SLC13A5: variants seen among roughly 807,000 people sequenced by gnomAD.
The protein encoded by SLC13A5 is Na(+)/citrate cotransporter.
A neutral mutation model predicts 56.5 loss-of-function variants in SLC13A5; 25 were observed. The observed-to-expected ratio is 0.44, with a 90% CI of 0.32 to 0.62. SLC13A5 has a LOEUF of 0.62. SLC13A5 is among the 20% of genes least tolerant of loss of function. The pLI is 0.04. For missense variants in SLC13A5, 649 were observed against 737.8 expected, an observed-to-expected ratio of 0.88 and a Z score of 1.39; for synonymous variants, 307 against 301.5, an observed-to-expected ratio of 1.02 and a Z score of -0.19.
intron 4 of SLC13A5, 89 bp from the exon 5 acceptor site, chr17:6,703,227 T>G (rs544905932): frequency 6.6e-7 from 1 of 1,512,918 alleles, no homozygotes. Context: ...ACCTGAGGAT[T>G]GGGAAATCCC....
At position 6,684,899 on chromosome 17, in the gene SLC13A5, C is replaced by T. The variant is rs1467644762; in HGVS notation, c.*1308G>A. 2 of 152,214 alleles carry T rather than the reference C, an allele frequency of 1.3e-5. No homozygotes were observed. Among genetic ancestry groups the T allele is most frequent in the African/African-American group, 4.8e-5 (2 of 41,446 alleles). The allele number at this position is 152,214 out of a possible 1,614,324, so 9.4% of individuals were successfully genotyped here. A position where few individuals can be genotyped will look rare whatever the true frequency, so the allele number is the denominator to read the frequency against. Reference sequence around the variant, plus strand: ...CATCTCTTTGCTACTGCCTCTCTTCCAGAGCAGCACAAGAAGGAAATAAAA... The same window carrying T: ...CATCTCTTTGCTACTGCCTCTCTTCTAGAGCAGCACAAGAAGGAAATAAAA... On this transcript the variant is annotated 3_prime_UTR_variant, in exon 12 of 12. Coordinates refer to ENST00000433363, the MANE Select transcript of SLC13A5 (RefSeq NM_177550.5).
At chr17:6,706,385 C>T (rs138483343) in intron 3 of SLC13A5, among the ~76,000 whole-genome samples, 44 of 152,308 alleles carry the variant, frequency 2.9e-4, no homozygotes, top group African/African-American at 9.9e-4. Flanking sequence ...AGAAAGCCTT[C>T]CAAGCCTGCA....
chr17:6,694,454 T>C (rs1012225590), intron 7 of SLC13A5, among the ~76,000 whole-genome samples: 2 of 152,042 alleles, frequency 1.3e-5, no homozygotes, highest in African/African-American at 4.8e-5. Flanking sequence ...CCGTCTCTAC[T>C]AAAAATACAA....
At chr17:6,702,344 T>C (rs956085487) in intron 5 of SLC13A5, among the ~76,000 whole-genome samples, 6 of 152,308 alleles carry the variant, frequency 3.9e-5, no homozygotes, top group African/African-American at 1.4e-4. Context: ...TCTCTCCCTC[T>C]TGGGGTCCTC....
chr17:6,706,659 C>G lies in SLC13A5; in HGVS notation c.351G>C (p.Val117=). 1 of 1,613,850 alleles carries G rather than the reference C, an allele frequency of 6.2e-7. No homozygotes were observed. Among genetic ancestry groups the G allele is most frequent in the Middle Eastern group, 1.7e-4 (1 of 6,022 alleles). The change falls in exon 3 of 12, where the codon GTG becomes GTC. Residue 117 remains valine (V), a synonymous_variant. Transcript: ENST00000433363. ...GTAATTACCGTGCAGGCTTGGCCCC[C>G]ACCCAGAGGAGCGTGCGCAGGGCGA... ...KRIALRTLLW[V]GAKPARLMLG...
At chr17:6,690,687 G>A in intron 10 of SLC13A5, 92 bp downstream of exon 10, 1 of 1,563,574 alleles carries the variant, frequency 6.4e-7, no homozygotes, top group Non-Finnish European at 8.8e-7. Context: ...GTCTGAGTCT[G>A]GCCTGGACAT....
In SLC13A5 at chr17:6,703,574, G is replaced by A. The variant is rs16956176; in HGVS notation, c.547+304C>T. Among the ~76,000 whole-genome samples, 4,445 of 152,294 alleles carry A rather than the reference G, an allele frequency of 0.029. 197 individuals carry two copies. Among genetic ancestry groups the A allele is most frequent in the African/African-American group, 0.099 (4,123 of 41,530 alleles). On this transcript the variant is annotated intron_variant, in intron 4 of 11. Transcript: ENST00000433363. ...AGGATGAGCAGGAGTAGCAAGGAGT[G>A]AGGGGCATCCCTAAGTGCTCGAAAG... is the stretch of plus-strand genomic sequence containing the variant.
intron 10 of SLC13A5, chr17:6,689,384 G>T (rs528365160): frequency 6.6e-6 from 1 of 152,356 alleles, no homozygotes; most frequent in Non-Finnish European, 1.5e-5. Flanking sequence ...TTTCTCATAG[G>T]TGGGCGTGAG....
chr17:6,690,883 G>A lies in SLC13A5; in HGVS notation c.1333C>T (p.Pro445Ser), dbSNP rs373587508. 6.2e-7 allele frequency: 1 copy of A among 1,614,072 alleles called. No individual in the cohort carries two copies. Among genetic ancestry groups the A allele is most frequent in the Admixed American group, 1.7e-5 (1 of 60,002 alleles). Residue 445 changes from proline to serine, a missense_variant, in exon 10 of 12, where the codon CCG (proline) becomes TCG (serine). Transcript: ENST00000433363. ...KQMEPLHAVP[P>S]AAITLILSLL... ...GACAAGATCAAGGTGATGGCTGCCGGGGGCACTGCGTGCAAGGGCTCCATC... is the reference window on the plus strand; with the variant it reads ...GACAAGATCAAGGTGATGGCTGCCGAGGGCACTGCGTGCAAGGGCTCCATC...
At position 6,686,289 on chromosome 17, in the gene SLC13A5, A is replaced by G; in HGVS notation, c.1625T>C (p.Leu542Ser). 1 of 1,614,120 alleles carries G rather than the reference A, an allele frequency of 6.2e-7. No individual in the cohort carries two copies. The highest frequency in any genetic ancestry group is 8.5e-7 in the Non-Finnish European group (1 of 1,179,996). The change falls in exon 12 of 12, where the codon TTG becomes TCG. Residue 542 changes from leucine to serine, a missense_variant. Coordinates refer to ENST00000433363, the MANE Select transcript of SLC13A5 (RefSeq NM_177550.5). ...GGCCCGTCCCCAGGTGTTGACAGCCAAAAACACACAGAAGACTCCAATTAT... is the reference window on the plus strand; with the variant it reads ...GGCCCGTCCCCAGGTGTTGACAGCCGAAAACACACAGAAGACTCCAATTAT... ...MNIIGVFCVFLAVNTWGRAIF... is the reference protein window; with the variant it reads ...MNIIGVFCVFSAVNTWGRAIF...
chr17:6,693,359 A>T (rs1389701454), intron 8 of SLC13A5, 197 bp from the exon 9 acceptor site: 1 of 532,072 alleles, frequency 1.9e-6, no homozygotes, highest in Non-Finnish European at 3.3e-6. Flanking sequence ...TGGTGAGGAT[A>T]TGATCAAACT....
At chr17:6,699,674 T>A (rs958228898) in intron 6 of SLC13A5, among the ~76,000 whole-genome samples, 2 of 152,198 alleles carry the variant, frequency 1.3e-5, no homozygotes, top group Non-Finnish European at 2.9e-5. Flanking sequence ...TTTCACCATG[T>A]TGGCCAGGCT....
chr17:6,686,528 G>T, intron 11 of SLC13A5, 190 bp from the exon 12 acceptor site: 1 of 633,528 alleles, frequency 1.6e-6, no homozygotes. Context: ...AGGCATCCCT[G>T]GGAAGTAGGC....
intron 4 of SLC13A5, among the ~76,000 whole-genome samples, chr17:6,703,472 A>T (rs1973773796): frequency 6.6e-6 from 1 of 152,180 alleles, no homozygotes; most frequent in South Asian, 2.1e-4. Context: ...CAAGCATGGG[A>T]CGCCAAGCCC....
chr17:6,706,223 T>C (rs1973859039), intron 3 of SLC13A5, among the ~76,000 whole-genome samples: 2 of 152,288 alleles, frequency 1.3e-5, no homozygotes, highest in Admixed American at 6.5e-5. Flanking sequence ...TGGGAATAGA[T>C]GCTCCAGCTT....
intron 1 of SLC13A5, 72 bp from the exon 2 acceptor site, chr17:6,707,228 C>T (rs1567625304): frequency 1.7e-5 from 26 of 1,574,848 alleles, no homozygotes; most frequent in Middle Eastern, 1.8e-4. Context: ...CTCCGGACGG[C>T]GGCTGGCATG....
At chr17:6,693,455 T>C in intron 8 of SLC13A5, 1 of 245,600 alleles carries the variant, frequency 4.1e-6, no homozygotes, top group Non-Finnish European at 7.8e-6. Context: ...CCATTAAGAC[T>C]TTGTATTCTA....
At chr17:6,702,895 CAG>C (rs1479786519) in intron 5 of SLC13A5, 73 bp downstream of exon 5, 20 of 1,554,070 alleles carry the variant, frequency 1.3e-5, no homozygotes, top group Non-Finnish European at 1.7e-5. Context: ...TGCAGAGGAG[CAG>C]AGAGAGGTGG....
At chr17:6,704,631 C>T (rs76860206) in intron 3 of SLC13A5, 28,517 of 250,374 alleles carry the variant, frequency 0.11, 2,034 homozygotes, top group East Asian at 0.29. Flanking sequence ...CTCCCCTCCG[C>T]CCCGCACATA....
Sources: allele counts gnomAD v4.1 joint callset (sites outside exome capture counted in the v4.1 genomes callset), GRCh38; gene constraint gnomAD v4.1.1; transcripts MANE v1.5; gene names NCBI Gene and HGNC (gene_info 2026-07-23, HGNC 2026-07-21).